Variants in WWOX observed in about 807,000 individuals in gnomAD.
WWOX encodes WW domain containing oxidoreductase, also known as WW domain-containing oxidoreductase.
A neutral mutation model predicts 46.2 loss-of-function variants in WWOX; 69 were observed. That is an observed-to-expected ratio of 1.49 (90% CI 1.23 to 1.82). WWOX has a LOEUF of 1.82. Ranked by LOEUF, WWOX falls within the 40% of genes most tolerant of loss-of-function variation. WWOX has a pLI of 0.00. For synonymous variants in WWOX, 359 were observed against 202.6 expected (o/e 1.77, Z -6.56); for missense variants, 919 against 542.6 (o/e 1.69, Z -6.89).
At chr16:79,059,437 A>G (rs573935899) in intron 8 of WWOX, among the ~76,000 whole-genome samples, 1 of 152,356 alleles carries the variant, frequency 6.6e-6, no homozygotes, top group African/African-American at 2.4e-5. Flanking sequence ...CATATAAAGT[A>G]GAAACTCAAC....
chr16:78,750,256 C>G (rs1269515124), intron 8 of WWOX, among the ~76,000 whole-genome samples: 1 of 152,160 alleles, frequency 6.6e-6, no homozygotes, highest in Non-Finnish European at 1.5e-5. Context: ...CACTGAACTC[C>G]TATTCAGAGG....
At chr16:78,267,399 AT>A (rs1448322677) in intron 5 of WWOX, among the ~76,000 whole-genome samples, 32 of 152,160 alleles carry the variant, frequency 2.1e-4, no homozygotes, top group African/African-American at 7.7e-4. Flanking sequence ...TTTTCGCTTC[AT>A]TTTCTGCATT....
intron 5 of WWOX, among the ~76,000 whole-genome samples, chr16:78,199,114 C>A (rs1213173503): frequency 6.6e-6 from 1 of 152,108 alleles, no homozygotes; most frequent in African/African-American, 2.4e-5. Flanking sequence ...GAGATTGAGA[C>A]CATCCTGGCT....
intron 8 of WWOX, among the ~76,000 whole-genome samples, chr16:78,540,451 G>A (rs543520842): frequency 6.6e-6 from 1 of 152,066 alleles, no homozygotes; most frequent in Non-Finnish European, 1.5e-5. Context: ...TCTTCTCATG[G>A]GCATTACTAG....
intron 6 of WWOX, among the ~76,000 whole-genome samples, chr16:78,387,984 G>C (rs897717601): frequency 2.0e-5 from 3 of 151,998 alleles, no homozygotes; most frequent in Non-Finnish European, 4.4e-5. Context: ...GTGAGGGAAG[G>C]GATCTTAAAC....
At chr16:78,579,719 C>T (rs1400926473) in intron 8 of WWOX, among the ~76,000 whole-genome samples, 1 of 152,050 alleles carries the variant, frequency 6.6e-6, no homozygotes, top group Admixed American at 6.5e-5. Context: ...GTTTTCACTT[C>T]TTCTTTCTTT....
chr16:79,087,940 T>A (rs2048883662), intron 8 of WWOX, among the ~76,000 whole-genome samples: 1 of 152,134 alleles, frequency 6.6e-6, no homozygotes, highest in Admixed American at 6.5e-5. Flanking sequence ...CAGGAGGCAT[T>A]CATGGGTCTG....
chr16:78,325,349 A>G (rs577786891), intron 5 of WWOX, among the ~76,000 whole-genome samples: 23 of 152,336 alleles, frequency 1.5e-4, no homozygotes, highest in African/African-American at 5.5e-4. Flanking sequence ...TTCCTATACT[A>G]TGATTAAATA....
chr16:79,042,171 C>T (rs1240412683), intron 8 of WWOX, among the ~76,000 whole-genome samples: 1 of 152,156 alleles, frequency 6.6e-6, no homozygotes, highest in Non-Finnish European at 1.5e-5. Context: ...GGCTCAGATG[C>T]ACACAGTGAT....
chr16:79,042,654 C>T (rs1212406863), intron 8 of WWOX, among the ~76,000 whole-genome samples: 2 of 151,796 alleles, frequency 1.3e-5, no homozygotes, highest in Non-Finnish European at 2.9e-5. Context: ...CATACGCATA[C>T]AGTGCCAGTG....
intron 8 of WWOX, among the ~76,000 whole-genome samples, chr16:78,916,233 G>A (rs2045248593): frequency 6.6e-6 from 1 of 152,198 alleles, no homozygotes; most frequent in Non-Finnish European, 1.5e-5. Context: ...TAACAAACAA[G>A]TTTGCCGGCC....
At chr16:78,678,728 G>A (rs148028215) in intron 8 of WWOX, among the ~76,000 whole-genome samples, 6 of 152,280 alleles carry the variant, frequency 3.9e-5, no homozygotes, top group African/African-American at 1.2e-4. Context: ...ACGGAGGGCT[G>A]GAAGGGAGGA....
At chr16:78,822,564 A>G (rs1167999224) in intron 8 of WWOX, among the ~76,000 whole-genome samples, 2 of 152,150 alleles carry the variant, frequency 1.3e-5, no homozygotes, top group African/African-American at 2.4e-5. Flanking sequence ...CCCACCTAGA[A>G]TTCTAAATAT....
intron 8 of WWOX, among the ~76,000 whole-genome samples, chr16:78,499,673 C>T (rs1227625492): frequency 6.6e-6 from 1 of 152,216 alleles, no homozygotes; most frequent in Admixed American, 6.5e-5. Flanking sequence ...CCCTATTAGG[C>T]TTTGACTCCT....
chr16:79,100,226 G>C (rs144108699), intron 8 of WWOX, among the ~76,000 whole-genome samples: 1,645 of 152,152 alleles, frequency 0.011, 14 homozygotes, highest in Non-Finnish European at 0.015. Context: ...TCCCAGGGTA[G>C]ATGTTAAAAA....
chr16:78,547,697 T>C (rs1044951028), intron 8 of WWOX, among the ~76,000 whole-genome samples: 3 of 152,192 alleles, frequency 2.0e-5, no homozygotes, highest in African/African-American at 7.2e-5. Context: ...TTCTGGTTCC[T>C]AGATGTTCAC....
rs116704166 is a variant in WWOX at position 78,231,098 on chromosome 16, A to G, written c.516+66809A>G. 2.9e-3 allele frequency among the ~76,000 whole-genome samples: 444 copies of G among 152,342 alleles called. 4 individuals carry two copies. The highest frequency in any genetic ancestry group is 0.01 in the African/African-American group (416 of 41,580). ...CAACATTTATGATTCTGGCAGCTTG[A>G]CATCACCCAACTGTTCTCTTTGTTT... is the stretch of plus-strand genomic sequence containing the variant. On this transcript the variant is annotated intron_variant, in intron 5 of 8. Coordinates refer to ENST00000566780, the MANE Select transcript of WWOX (RefSeq NM_016373.4).
At chr16:78,807,347 A>G (rs1450384485) in intron 8 of WWOX, among the ~76,000 whole-genome samples, 1 of 152,232 alleles carries the variant, frequency 6.6e-6, no homozygotes, top group Non-Finnish European at 1.5e-5. Flanking sequence ...CAGTGAATCT[A>G]AAACAAGAGG....
intron 8 of WWOX, among the ~76,000 whole-genome samples, chr16:78,447,843 A>T (rs1804046823): frequency 6.6e-6 from 1 of 152,138 alleles, no homozygotes; most frequent in Non-Finnish European, 1.5e-5. Context: ...TCCTTGTGTC[A>T]TCCAGGCTGA....
Sources: allele counts gnomAD v4.1 joint callset (sites outside exome capture counted in the v4.1 genomes callset), GRCh38; gene constraint gnomAD v4.1.1; transcripts MANE v1.5; gene names NCBI Gene and HGNC (gene_info 2026-07-23, HGNC 2026-07-21).